The following PRR5 variants were observed in gnomAD, a reference collection of about 807,000 sequenced individuals.
PRR5 encodes proline-rich protein 5.
PRR5 carries 25 observed loss-of-function variants against 30.6 expected under a neutral mutation model. The ratio of observed to expected loss-of-function variants is 0.82; its 90% confidence interval spans 0.60 to 1.14. The LOEUF (loss-of-function observed/expected upper bound fraction) is 1.14, where lower values mean the gene tolerates loss of function less well. PRR5 is among the 50% of genes most tolerant of loss of function. The pLI is 0.00. For missense variants in PRR5, 600 were observed against 547.1 expected (o/e 1.10, Z -0.96); for synonymous variants, 286 against 247.1 (o/e 1.16, Z -1.48).
At chr22:44,685,245 G>C (rs1394531097) in intron 1 of PRR5, among the ~76,000 whole-genome samples, 1 of 152,120 alleles carries the variant, frequency 6.6e-6, no homozygotes, top group Middle Eastern at 3.2e-3. Context: ...CCATGCACTG[G>C]GACAGTCCTG....
upstream of PRR5, among the ~76,000 whole-genome samples, chr22:44,674,589 C>T (rs994263291): frequency 6.6e-6 from 1 of 151,998 alleles, no homozygotes; most frequent in South Asian, 2.1e-4. Flanking sequence ...GGCGTGGTGG[C>T]AGGCGCCTGT....
chr22:44,724,140 A>C lies in PRR5; in HGVS notation c.216-1104A>C, dbSNP rs922782484. 1.5e-4 allele frequency among the ~76,000 whole-genome samples: 23 copies of C among 152,222 alleles called. 1 individual carries two copies. Among genetic ancestry groups the C allele is most frequent in the African/African-American group, 5.3e-4 (22 of 41,462 alleles). Reference sequence around the variant, plus strand: ...GACTGCCTATAATTCAGGACTGATTAGAAAGTTTTCCTAGGCCGGGTGTGG... The same window carrying C: ...GACTGCCTATAATTCAGGACTGATTCGAAAGTTTTCCTAGGCCGGGTGTGG... On this transcript the variant is annotated intron_variant, in intron 2 of 7. Transcript: ENST00000336985.
At chr22:44,689,564 A>C (rs1454117125) in intron 1 of PRR5, among the ~76,000 whole-genome samples, 1 of 152,196 alleles carries the variant, frequency 6.6e-6, no homozygotes, top group Non-Finnish European at 1.5e-5. Flanking sequence ...GGACTTGACC[A>C]TTGGATTGCG....
intron 2 of PRR5, among the ~76,000 whole-genome samples, chr22:44,715,044 A>G (rs950976429): frequency 2.6e-5 from 4 of 152,182 alleles, no homozygotes; most frequent in African/African-American, 7.2e-5. Context: ...AAGAGGAAGG[A>G]CCCACCTGCC....
chr22:44,733,126 C>G lies in PRR5; in HGVS notation c.555+735C>G, dbSNP rs1340773678. Among the ~76,000 whole-genome samples, 3 of 152,390 alleles carry G rather than the reference C, an allele frequency of 2.0e-5. No homozygotes were observed. In the East Asian group the frequency reaches 5.8e-4, roughly 29 times the overall value. On this transcript the variant is annotated intron_variant, in intron 6 of 7. Transcript: ENST00000336985. Reference sequence around the variant, plus strand: ...GTCAGTGGGTCAGCTCTGGGGAAGACACTCTGAGAGCTGTTAGCCCCCCTC... The same window carrying G: ...GTCAGTGGGTCAGCTCTGGGGAAGAGACTCTGAGAGCTGTTAGCCCCCCTC...
At chr22:44,696,776 G>A (rs889469345) in intron 1 of PRR5, among the ~76,000 whole-genome samples, 1 of 146,076 alleles carries the variant, frequency 6.8e-6, no homozygotes, top group South Asian at 2.1e-4. Context: ...CTGCTCTGTC[G>A]CCCAGGCTAG....
intron 1 of PRR5, among the ~76,000 whole-genome samples, chr22:44,681,592 GAAAAA>G (rs71744414): frequency 7.7e-6 from 1 of 129,666 alleles, no homozygotes; most frequent in Non-Finnish European, 1.8e-5. Flanking sequence ...TTGTCTCAAA[GAAAAA>G]AAAAAAAAAA....
At chr22:44,736,666 T>C in intron 7 of PRR5, 106 bp from the exon 8 acceptor site, 1 of 1,466,910 alleles carries the variant, frequency 6.8e-7, no homozygotes, top group Non-Finnish European at 9.0e-7. Flanking sequence ...GGGCCTTCCC[T>C]GCAGCTGCCC....
At chr22:44,706,877 G>C (rs6007253) in intron 1 of PRR5, among the ~76,000 whole-genome samples, 1 of 151,934 alleles carries the variant, frequency 6.6e-6, no homozygotes, top group East Asian at 1.9e-4. Flanking sequence ...CCTGCCGGCC[G>C]GGCCCCCCTT....
At chr22:44,671,221 G>A (rs943026609) in intron 1 of PRR5, among the ~76,000 whole-genome samples, 7 of 152,310 alleles carry the variant, frequency 4.6e-5, no homozygotes, top group South Asian at 2.1e-4. Context: ...GGGGGCCAGC[G>A]CTGAACAGGA....
At chr22:44,699,497 G>T (rs1398281876), upstream of PRR5, among the ~76,000 whole-genome samples, 1 of 152,266 alleles carries the variant, frequency 6.6e-6, no homozygotes, top group Non-Finnish European at 1.5e-5. Context: ...TGTCCAGCCT[G>T]GGCACTTTTA....
intron 1 of PRR5, among the ~76,000 whole-genome samples, chr22:44,708,789 A>G (rs2147045270): frequency 6.6e-6 from 1 of 152,016 alleles, no homozygotes; most frequent in Admixed American, 6.5e-5. Flanking sequence ...CAACATGGTG[A>G]AACCCCGTCT....
rs116936504 is a variant in PRR5, at chr22:44,691,348, G to A, written c.-10-11144G>A. ...GTCCACCTCGGTGGCACGGAGAGGA[G>A]GCTACCCAGCTGGAGGGGTTGTGGT... On this transcript the variant is annotated intron_variant, in intron 1 of 8. Coordinates refer to the PRR5 transcript ENST00000006251. This position sits in a 1 kb window ranked among gnomAD's most constrained non-coding sequence, Gnocchi z 4.4. Among the ~76,000 whole-genome samples the A allele has an allele frequency of 1.5e-3, 229 of 152,294 alleles. 6 individuals carry two copies. In the East Asian group the frequency reaches 0.038, roughly 25 times the overall value.
intron 4 of PRR5, chr22:44,730,617 C>A: frequency 1.0e-6 from 1 of 998,478 alleles, no homozygotes; most frequent in Non-Finnish European, 1.2e-6. Flanking sequence ...CAGAGACTCA[C>A]CTGTCAAGAT....
chr22:44,689,866 C>T (rs1456492796), intron 1 of PRR5, among the ~76,000 whole-genome samples: 1 of 152,156 alleles, frequency 6.6e-6, no homozygotes, highest in African/African-American at 2.4e-5. Flanking sequence ...TCAGGCTGGT[C>T]TCGAACTCCT....
rs1346651336 is a variant in PRR5, at chr22:44,736,829, T to C, written c.749T>C (p.Val250Ala). Residue 250 changes from valine (V) to alanine (A), a missense_variant, in exon 8 of 8, where the codon GTG (valine) becomes GCG (alanine). By Grantham distance (64) the Val-to-Ala change is moderately conservative. Coordinates refer to ENST00000336985, the MANE Select transcript of PRR5 (RefSeq NM_181333.4). ...GACGTGCTGGCCAAGAACCCTGTGG[T>C]GCGCTCCAAGAGCTACAACACGCCT... ...SGDVLAKNPV[V>A]RSKSYNTPLL... 1 of 1,592,796 alleles carries C rather than the reference T, an allele frequency of 6.3e-7. No individual in the cohort carries two copies. Among genetic ancestry groups the C allele is most frequent in the African/African-American group, 1.3e-5 (1 of 74,628 alleles).
At chr22:44,689,802 C>A (rs1925082097) in intron 1 of PRR5, among the ~76,000 whole-genome samples, 1 of 152,212 alleles carries the variant, frequency 6.6e-6, no homozygotes, top group Admixed American at 6.5e-5. Context: ...GCGCCCGCCA[C>A]CACGCCTGGC....
At position 44,737,522 on chromosome 22, in the gene PRR5, C is replaced by T. The variant is rs1923507554; in HGVS notation, c.*275C>T. 3 of 520,122 alleles carry T rather than the reference C, an allele frequency of 5.8e-6. No individual in the cohort carries two copies. Among genetic ancestry groups the T allele is most frequent in the Admixed American group, 3.5e-5 (1 of 28,624 alleles). 32.2% of individuals were successfully genotyped at this position (520,122 alleles called of 1,614,324 possible). ...GCCGCTCGCTCCCACGCTCCTCCTG[C>T]CCCAGCCCTCTGGTGTCCACACCTG... On this transcript the variant is annotated 3_prime_UTR_variant, in exon 8 of 8. Coordinates refer to ENST00000336985, the MANE Select transcript of PRR5 (RefSeq NM_181333.4).
intron 1 of PRR5, among the ~76,000 whole-genome samples, chr22:44,688,234 A>T (rs1034063828): frequency 6.6e-6 from 1 of 151,668 alleles, no homozygotes; most frequent in Non-Finnish European, 1.5e-5. Context: ...AAATACAAAA[A>T]TTAGCCGGGT....
Sources: allele counts gnomAD v4.1 joint callset (sites outside exome capture counted in the v4.1 genomes callset), GRCh38; gene constraint gnomAD v4.1.1; non-coding constraint Gnocchi (gnomAD v3.1); transcripts MANE v1.5; gene names NCBI Gene and HGNC (gene_info 2026-07-23, HGNC 2026-07-21).